The following ERC2 variants were observed in gnomAD, a reference collection of about 807,000 sequenced individuals.
The protein encoded by ERC2 is ELKS/RAB6-interacting/CAST family member 2.
Under a neutral mutation model 114.8 loss-of-function variants are expected in ERC2, and 42 were observed. The ratio of observed to expected loss-of-function variants is 0.37; its 90% CI spans 0.29 to 0.47. ERC2 has a LOEUF of 0.47. Among genes scored for constraint, ERC2 ranks in the 20% least tolerant of loss-of-function variants. The pLI, the probability that ERC2 is intolerant of heterozygous loss-of-function variation, is 0.99. For synonymous variants in ERC2, 454 were observed against 425.5 expected (o/e 1.07, Z -0.82); for missense variants, 939 against 1,150.7 (o/e 0.82, Z 2.66).
At chr3:55,685,416 C>G (rs1559498091) in intron 16 of ERC2, among the ~76,000 whole-genome samples, 1 of 152,172 alleles carries the variant, frequency 6.6e-6, no homozygotes, top group South Asian at 2.1e-4. Flanking sequence ...TATTATTAAA[C>G]AGTCTAATAA....
intron 3 of ERC2, among the ~76,000 whole-genome samples, chr3:56,209,307 GC>G (rs1274580986): frequency 1.3e-5 from 2 of 152,022 alleles, no homozygotes; most frequent in Non-Finnish European, 2.9e-5. Flanking sequence ...CTCTATTCAG[GC>G]CTTCAAGATG....
At chr3:56,222,655 C>T (rs2049992202) in intron 3 of ERC2, among the ~76,000 whole-genome samples, 1 of 152,138 alleles carries the variant, frequency 6.6e-6, no homozygotes, top group African/African-American at 2.4e-5. Context: ...GTACAGTCAC[C>T]ATGTCGATCT....
intron 2 of ERC2, among the ~76,000 whole-genome samples, chr3:56,409,555 G>T (rs2107087292): frequency 6.6e-6 from 1 of 151,170 alleles, no homozygotes; most frequent in Non-Finnish European, 1.5e-5. Context: ...ACAAAGGGCT[G>T]GTGATATTTA....
intron 7 of ERC2, among the ~76,000 whole-genome samples, chr3:56,061,341 T>C (rs912595879): frequency 2.6e-5 from 4 of 152,234 alleles, no homozygotes; most frequent in African/African-American, 9.6e-5. Flanking sequence ...CTATTGACCT[T>C]GTAAGCATTT....
chr3:55,652,911 G>GTCC (rs2060698132), intron 17 of ERC2, among the ~76,000 whole-genome samples: 2 of 146,240 alleles, frequency 1.4e-5, no homozygotes. Context: ...TCTGTTTTGA[G>GTCC]AAATGTAGAA....
chr3:55,595,049 T>C (rs527769250), intron 17 of ERC2, among the ~76,000 whole-genome samples: 1 of 152,286 alleles, frequency 6.6e-6, no homozygotes, highest in East Asian at 1.9e-4. Context: ...GAGCCCTTCA[T>C]ATATATTCTC....
intron 15 of ERC2, among the ~76,000 whole-genome samples, chr3:55,712,350 C>T (rs971085386): frequency 1.3e-5 from 2 of 152,152 alleles, no homozygotes; most frequent in Non-Finnish European, 2.9e-5. Flanking sequence ...GTCATTTGAA[C>T]ACTTTAGGTG....
At chr3:55,586,732 T>G (rs1314623017) in intron 17 of ERC2, among the ~76,000 whole-genome samples, 1 of 152,236 alleles carries the variant, frequency 6.6e-6, no homozygotes, top group African/African-American at 2.4e-5. Flanking sequence ...ATCATCTTAT[T>G]ATTCTTTCTC....
intron 3 of ERC2, among the ~76,000 whole-genome samples, chr3:56,255,540 C>T (rs1388355916): frequency 6.6e-6 from 1 of 152,186 alleles, no homozygotes; most frequent in Admixed American, 6.5e-5. Flanking sequence ...GGGAGGCAAG[C>T]TCATTTACCC....
intron 14 of ERC2, among the ~76,000 whole-genome samples, chr3:55,777,007 C>T (rs912979562): frequency 1.7e-4 from 26 of 152,176 alleles, no homozygotes; most frequent in African/African-American, 5.1e-4. Context: ...AGACTCTCTT[C>T]TTGCTTATAG....
intron 17 of ERC2, among the ~76,000 whole-genome samples, chr3:55,572,168 C>A (rs1018812944): frequency 2.0e-5 from 3 of 152,190 alleles, no homozygotes; most frequent in East Asian, 1.9e-4. Context: ...ACAAAGACAG[C>A]GGCCAGGGAG....
intron 17 of ERC2, among the ~76,000 whole-genome samples, chr3:55,590,590 A>G (rs1206204403): frequency 6.6e-6 from 1 of 152,236 alleles, no homozygotes; most frequent in African/African-American, 2.4e-5. Flanking sequence ...ACTGACCTGA[A>G]AGGAGGAACT....
intron 2 of ERC2, among the ~76,000 whole-genome samples, chr3:56,338,728 G>T (rs538547593): frequency 6.6e-6 from 1 of 152,184 alleles, no homozygotes; most frequent in Non-Finnish European, 1.5e-5. Flanking sequence ...CTGTTCTGAG[G>T]GGGGAATATG....
intron 13 of ERC2, among the ~76,000 whole-genome samples, chr3:55,913,443 G>A (rs1191671689): frequency 1.3e-5 from 2 of 152,082 alleles, no homozygotes; most frequent in Admixed American, 6.5e-5. Context: ...CGAAGGACAT[G>A]TACATCTTTA....
chr3:55,653,132 T>C (rs1193059043), intron 17 of ERC2, among the ~76,000 whole-genome samples: 1 of 152,120 alleles, frequency 6.6e-6, no homozygotes, highest in Non-Finnish European at 1.5e-5. Context: ...TCAAGAAAAA[T>C]AACTCACATA....
intron 14 of ERC2, among the ~76,000 whole-genome samples, chr3:55,870,948 A>C (rs1327859605): frequency 6.6e-6 from 1 of 152,178 alleles, no homozygotes; most frequent in Non-Finnish European, 1.5e-5. Context: ...AATGCTGCTC[A>C]AGTTCCTGAC....
intron 3 of ERC2, among the ~76,000 whole-genome samples, chr3:56,276,233 T>C (rs2053979528): frequency 6.6e-6 from 1 of 152,202 alleles, no homozygotes; most frequent in African/African-American, 2.4e-5. Flanking sequence ...AAGGTCCTTG[T>C]ATCTTATCAC....
Position 55,985,857 on chromosome 3 carries a change from C to CCG in ERC2, c.2267+119_2267+120insCG, listed in dbSNP as rs981820704. The CCG allele has an allele frequency of 1.4e-5, 12 of 847,104 alleles. No individual in the cohort carries two copies. In the African/African-American group the frequency reaches 1.9e-4, roughly 13 times the overall value. The allele number at this position is 847,104 out of a possible 1,614,324, so 52.5% of individuals were successfully genotyped here. A position where few individuals can be genotyped will look rare whatever the true frequency, so the allele number is the denominator to read the frequency against. On this transcript the variant is annotated intron_variant, in intron 12 of 17. Coordinates refer to ENST00000288221, the MANE Select transcript of ERC2 (RefSeq NM_015576.3). Reference sequence around the variant, plus strand: ...TTCCCAAGGCATGGAATGAAATGAGCGGGGGGAAATGCAGTGGCCCGAGGA... The same window carrying CCG: ...TTCCCAAGGCATGGAATGAAATGAGCCGGGGGGGAAATGCAGTGGCCCGAGGA...
intron 7 of ERC2, among the ~76,000 whole-genome samples, chr3:56,032,709 C>T (rs2074441716): frequency 6.6e-6 from 1 of 151,540 alleles, no homozygotes; most frequent in South Asian, 2.1e-4. Context: ...ACCTTGGAAC[C>T]CCAACCAGGC....
Sources: allele counts gnomAD v4.1 joint callset (sites outside exome capture counted in the v4.1 genomes callset), GRCh38; gene constraint gnomAD v4.1.1; transcripts MANE v1.5; gene names NCBI Gene and HGNC (gene_info 2026-07-23, HGNC 2026-07-21).